GALNTL6: variants seen among roughly 807,000 people sequenced by gnomAD.
The protein encoded by GALNTL6 is polypeptide N-acetylgalactosaminyltransferase like 6.
Under a neutral mutation model 73.7 loss-of-function variants are expected in GALNTL6, and 46 were observed. That is an observed-to-expected ratio of 0.62 (90% CI 0.49 to 0.80). The LOEUF is 0.80. Ranked by LOEUF, GALNTL6 falls within the 30% of genes least tolerant of loss-of-function variation. The pLI, the probability that GALNTL6 is intolerant of heterozygous loss-of-function variation, is 0.00. For synonymous variants in GALNTL6, 259 were observed against 263.7 expected (o/e 0.98, Z 0.17); for missense variants, 604 against 755.0 (o/e 0.80, Z 2.34).
chr4:172,491,816 C>T (rs1047228531), intron 5 of GALNTL6, among the ~76,000 whole-genome samples: 1 of 152,044 alleles, frequency 6.6e-6, no homozygotes, highest in Non-Finnish European at 1.5e-5. Flanking sequence ...GTACCAATAA[C>T]AAAAGTGATT....
chr4:172,758,265 T>A (rs1214860191), intron 5 of GALNTL6, among the ~76,000 whole-genome samples: 1 of 152,230 alleles, frequency 6.6e-6, no homozygotes, highest in Admixed American at 6.5e-5. Context: ...CCAGGTGCGG[T>A]GGCTCATGCC....
At chr4:172,116,645 T>C (rs2110989092) in intron 2 of GALNTL6, among the ~76,000 whole-genome samples, 1 of 152,178 alleles carries the variant, frequency 6.6e-6, no homozygotes, top group Middle Eastern at 3.4e-3. Flanking sequence ...AGAAATGAAG[T>C]AAAAAACAAG....
chr4:172,380,123 G>A, intron 5 of GALNTL6: 1 of 1,016,036 alleles, frequency 9.8e-7, no homozygotes, highest in Non-Finnish European at 1.6e-6. Flanking sequence ...TGCATCATTT[G>A]CTAATGGATC....
intron 5 of GALNTL6, among the ~76,000 whole-genome samples, chr4:172,792,629 G>T (rs115940783): frequency 0.016 from 2,308 of 148,758 alleles, 28 homozygotes; most frequent in Middle Eastern, 0.043. Context: ...TAGCATTTTT[G>T]ATTTCCTCTG....
chr4:172,198,686 G>A (rs1394694931), intron 2 of GALNTL6, among the ~76,000 whole-genome samples: 1 of 152,124 alleles, frequency 6.6e-6, no homozygotes, highest in Non-Finnish European at 1.5e-5. Flanking sequence ...GACAAGAGGT[G>A]CTATCAATAA....
At chr4:172,194,891 G>A (rs1735705859) in intron 2 of GALNTL6, among the ~76,000 whole-genome samples, 2 of 152,062 alleles carry the variant, frequency 1.3e-5, no homozygotes, top group African/African-American at 2.4e-5. Context: ...ACATTAATAA[G>A]TCTGCAAAAT....
chr4:172,688,223 A>G (rs1579339748), intron 5 of GALNTL6, among the ~76,000 whole-genome samples: 1 of 152,222 alleles, frequency 6.6e-6, no homozygotes, highest in Non-Finnish European at 1.5e-5. Context: ...TAAATTATTA[A>G]CAACCTAGGT....
rs187102966 is a variant in GALNTL6 at position 171,988,401 on chromosome 4, G to A, written c.138+173683G>A. Among the ~76,000 whole-genome samples the A allele has an allele frequency of 7.0e-3, 1,066 of 152,288 alleles. 10 individuals carry two copies. The highest frequency in any genetic ancestry group is 0.039 in the South Asian group (187 of 4,822). On this transcript the variant is annotated intron_variant, in intron 2 of 12. Coordinates refer to ENST00000506823, the MANE Select transcript of GALNTL6 (RefSeq NM_001034845.3). ...ATAGGGGCTGTCTGTGAAGCCTTGC[G>A]GCAGTACAGCCCAGGTAATTTGCTG...
At chr4:172,548,567 G>A (rs1042474007) in intron 5 of GALNTL6, among the ~76,000 whole-genome samples, 1 of 152,106 alleles carries the variant, frequency 6.6e-6, no homozygotes, top group Non-Finnish European at 1.5e-5. Flanking sequence ...TTATACTTTA[G>A]ACTCCATTAT....
intron 5 of GALNTL6, among the ~76,000 whole-genome samples, chr4:172,499,754 C>A (rs1469792428): frequency 6.6e-6 from 1 of 152,118 alleles, no homozygotes; most frequent in Non-Finnish European, 1.5e-5. Context: ...GAAATAGAAG[C>A]TATTTACAAC....
chr4:172,959,257 A>C (rs1749917807), intron 10 of GALNTL6, among the ~76,000 whole-genome samples: 1 of 151,988 alleles, frequency 6.6e-6, no homozygotes, highest in South Asian at 2.1e-4. Flanking sequence ...GGAGGCTTTG[A>C]ACTGGGGGAA....
At chr4:172,919,579 A>G (rs565916770) in intron 8 of GALNTL6, among the ~76,000 whole-genome samples, 2 of 152,242 alleles carry the variant, frequency 1.3e-5, no homozygotes, top group Non-Finnish European at 2.9e-5. Flanking sequence ...TTGTAAAAGA[A>G]GGAAGGTTCT....
chr4:172,189,615 A>T (rs1231628282), intron 2 of GALNTL6, among the ~76,000 whole-genome samples: 1 of 152,228 alleles, frequency 6.6e-6, no homozygotes, highest in Admixed American at 6.5e-5. Context: ...TATTATTTTT[A>T]AATTCTTTCA....
intron 3 of GALNTL6, among the ~76,000 whole-genome samples, chr4:172,284,070 A>G (rs1739164397): frequency 6.6e-6 from 1 of 152,178 alleles, no homozygotes; most frequent in South Asian, 2.1e-4. Flanking sequence ...GAAATGCTAA[A>G]TTTGCTATAA....
intron 8 of GALNTL6, among the ~76,000 whole-genome samples, chr4:172,901,439 G>A (rs1042570038): frequency 1.3e-5 from 2 of 152,122 alleles, no homozygotes; most frequent in Admixed American, 6.6e-5. Flanking sequence ...TTTTTACAGT[G>A]GAAAGCACTG....
intron 2 of GALNTL6, among the ~76,000 whole-genome samples, chr4:171,906,481 C>T (rs1737281912): frequency 6.6e-6 from 1 of 151,860 alleles, no homozygotes; most frequent in South Asian, 2.1e-4. Context: ...ATAACAGGCT[C>T]TGAAATTGTG....
At chr4:171,833,461 C>G (rs917856022) in intron 2 of GALNTL6, among the ~76,000 whole-genome samples, 1 of 151,512 alleles carries the variant, frequency 6.6e-6, no homozygotes, top group African/African-American at 2.4e-5. Flanking sequence ...CATTAACAAC[C>G]AAAATACCTG....
intron 2 of GALNTL6, among the ~76,000 whole-genome samples, chr4:171,967,978 T>G (rs1199945654): frequency 2.0e-5 from 3 of 152,166 alleles, no homozygotes; most frequent in African/African-American, 7.2e-5. Context: ...AGAACAGTAG[T>G]GTGTGCACAC....
At chr4:172,581,010 C>T (rs1251658205) in intron 5 of GALNTL6, among the ~76,000 whole-genome samples, 2 of 152,206 alleles carry the variant, frequency 1.3e-5, no homozygotes, top group African/African-American at 4.8e-5. Flanking sequence ...GATCCACCCA[C>T]CTCAGCCTCC....
Sources: allele counts gnomAD v4.1 joint callset (sites outside exome capture counted in the v4.1 genomes callset), GRCh38; gene constraint gnomAD v4.1.1; transcripts MANE v1.5; gene names NCBI Gene and HGNC (gene_info 2026-07-23, HGNC 2026-07-21).